The following ERC1 variants were observed in gnomAD, a reference collection of about 807,000 sequenced individuals.
ERC1 encodes RAB6 interacting protein 2.
In ERC1, 56 loss-of-function variants were observed where a neutral mutation model predicts 132.0. That is an observed-to-expected ratio of 0.42 (90% CI 0.34 to 0.53). The LOEUF (loss-of-function observed/expected upper bound fraction) is 0.53, where lower values mean the gene tolerates loss of function less well. Among genes scored for constraint, ERC1 ranks in the 20% least tolerant of loss-of-function variants. ERC1 has a pLI of 0.03. For synonymous variants in ERC1, 478 were observed against 476.1 expected, an observed-to-expected ratio of 1.00 and a Z score of -0.05; for missense variants, 1,202 against 1,349.9, an observed-to-expected ratio of 0.89 and a Z score of 1.72.
chr12:1,157,954 C>T (rs570114092), intron 8 of ERC1, among the ~76,000 whole-genome samples: 4 of 152,176 alleles, frequency 2.6e-5, no homozygotes, highest in Non-Finnish European at 5.9e-5. Flanking sequence ...CTGTCCAAAA[C>T]TGATAACACA....
At chr12:1,295,240 T>C (rs1029503396) in intron 15 of ERC1, among the ~76,000 whole-genome samples, 5 of 152,232 alleles carry the variant, frequency 3.3e-5, no homozygotes, top group Non-Finnish European at 5.9e-5. Context: ...GGTCTGCAGT[T>C]TTCTCACTCA....
chr12:1,002,928 C>T (rs1962690318), intron 1 of ERC1, among the ~76,000 whole-genome samples: 1 of 150,442 alleles, frequency 6.6e-6, no homozygotes, highest in Non-Finnish European at 1.5e-5. Flanking sequence ...GCAAATATTT[C>T]CACCTTACTC....
intron 17 of ERC1, among the ~76,000 whole-genome samples, chr12:1,422,393 CTGTT>C (rs761994126): frequency 6.6e-6 from 1 of 152,156 alleles, no homozygotes; most frequent in African/African-American, 2.4e-5. Context: ...ATTCTACTCT[CTGTT>C]TGTATGAGAT....
At chr12:1,155,238 A>G (rs774374147) in intron 8 of ERC1, among the ~76,000 whole-genome samples, 26 of 147,564 alleles carry the variant, frequency 1.8e-4, no homozygotes, top group Non-Finnish European at 3.4e-4. Flanking sequence ...AGACACGAGA[A>G]TTGCTTGGAC....
chr12:1,036,114 A>G (rs987280271), intron 2 of ERC1, among the ~76,000 whole-genome samples: 1 of 152,222 alleles, frequency 6.6e-6, no homozygotes, highest in African/African-American at 2.4e-5. Context: ...GTTTAATATT[A>G]TAGGACGGCA....
intron 12 of ERC1, among the ~76,000 whole-genome samples, chr12:1,193,739 C>G (rs1955958494): frequency 6.6e-6 from 1 of 152,162 alleles, no homozygotes; most frequent in Admixed American, 6.5e-5. Flanking sequence ...CCTGGGAAAC[C>G]TCAGCCCTGT....
intron 6 of ERC1, among the ~76,000 whole-genome samples, chr12:1,113,741 C>T (rs1946141177): frequency 6.6e-6 from 1 of 152,198 alleles, no homozygotes; most frequent in Middle Eastern, 3.2e-3. Flanking sequence ...GTAATTTCTG[C>T]ATTGAGTCAG....
At chr12:1,298,460 T>C (rs113621411) in intron 15 of ERC1, among the ~76,000 whole-genome samples, 5,216 of 150,864 alleles carry the variant, frequency 0.035, 100 homozygotes, top group Middle Eastern at 0.075. Context: ...GGAGAATTGC[T>C]TGAACCTGGG....
intron 17 of ERC1, among the ~76,000 whole-genome samples, chr12:1,434,845 T>G (rs1159977991): frequency 1.3e-5 from 2 of 152,232 alleles, no homozygotes. Context: ...GTCAATTGTA[T>G]ATTTTCAAAT....
intron 18 of ERC1, among the ~76,000 whole-genome samples, chr12:1,451,512 C>T (rs747527603): frequency 6.6e-6 from 1 of 152,084 alleles, no homozygotes; most frequent in Non-Finnish European, 1.5e-5. Context: ...GCAGTCCCAC[C>T]TACTCGGGAG....
intron 17 of ERC1, among the ~76,000 whole-genome samples, chr12:1,418,198 G>A (rs1169174141): frequency 6.6e-6 from 1 of 152,190 alleles, no homozygotes; most frequent in East Asian, 1.9e-4. Flanking sequence ...AGAGAAGAGA[G>A]TAAATGATGG....
At chr12:1,324,531 A>G (rs1483862647) in intron 15 of ERC1, among the ~76,000 whole-genome samples, 2 of 152,194 alleles carry the variant, frequency 1.3e-5, no homozygotes, top group Non-Finnish European at 2.9e-5. Flanking sequence ...AGTCTCAGAG[A>G]CGGTCACTGG....
At chr12:1,487,859 C>T (rs1367396147) in intron 18 of ERC1, among the ~76,000 whole-genome samples, 1 of 151,772 alleles carries the variant, frequency 6.6e-6, no homozygotes, top group African/African-American at 2.4e-5. Flanking sequence ...GAGAAAAAGG[C>T]CAGGCGCGGT....
At chr12:1,074,477 T>C (rs893537859) in intron 2 of ERC1, among the ~76,000 whole-genome samples, 1 of 152,050 alleles carries the variant, frequency 6.6e-6, no homozygotes, top group Admixed American at 6.6e-5. Context: ...TTCGTAGTTT[T>C]AGAGATGGGG....
intron 15 of ERC1, among the ~76,000 whole-genome samples, chr12:1,297,327 G>A (rs1046990301): frequency 2.0e-5 from 3 of 151,850 alleles, no homozygotes; most frequent in Non-Finnish European, 2.9e-5. Context: ...AAGCACTCTA[G>A]AAGAAATGCT....
intron 13 of ERC1, among the ~76,000 whole-genome samples, chr12:1,252,943 G>A (rs958196933): frequency 6.6e-6 from 1 of 152,206 alleles, no homozygotes; most frequent in Non-Finnish European, 1.5e-5. Flanking sequence ...GGCAGAATAA[G>A]CAGTGGGGTT....
At chr12:1,144,420 A>G (rs1349509873) in intron 8 of ERC1, among the ~76,000 whole-genome samples, 1 of 151,288 alleles carries the variant, frequency 6.6e-6, no homozygotes, top group Non-Finnish European at 1.5e-5. Flanking sequence ...CTTCCCCTTG[A>G]CTCCCCAAAG....
intron 15 of ERC1, among the ~76,000 whole-genome samples, chr12:1,352,152 A>G (rs79157690): frequency 0.011 from 1,626 of 152,198 alleles, 30 homozygotes; most frequent in African/African-American, 0.037. Flanking sequence ...GGCTCCTCCT[A>G]CCACAAGCCT....
chr12:1,257,821 C>T (rs1403140087), intron 13 of ERC1, among the ~76,000 whole-genome samples: 1 of 151,938 alleles, frequency 6.6e-6, no homozygotes, highest in Non-Finnish European at 1.5e-5. Flanking sequence ...ATTAAAAAAA[C>T]TAAAAGGAAA....
Sources: allele counts gnomAD v4.1 joint callset (sites outside exome capture counted in the v4.1 genomes callset), GRCh38; gene constraint gnomAD v4.1.1; transcripts MANE v1.5; gene names NCBI Gene and HGNC (gene_info 2026-07-23, HGNC 2026-07-21).